TM9SF3: variants seen among roughly 807,000 people sequenced by gnomAD.
The protein encoded by TM9SF3 is transmembrane 9 superfamily member 3.
A neutral mutation model predicts 78.6 loss-of-function variants in TM9SF3; 14 were observed. The ratio of observed to expected loss-of-function variants is 0.18; its 90% CI spans 0.12 to 0.28. TM9SF3 has a LOEUF of 0.28. Among genes scored for constraint, TM9SF3 ranks in the 10% least tolerant of loss-of-function variants. The pLI is 1.00. For synonymous variants in TM9SF3, 231 were observed against 241.7 expected (o/e 0.96, Z 0.41); for missense variants, 496 against 721.9 (o/e 0.69, Z 3.59).
chr10:96,553,207 T>C, intron 5 of TM9SF3, 148 bp from the exon 6 acceptor site: 1 of 758,142 alleles, frequency 1.3e-6, no homozygotes, highest in East Asian at 3.1e-5. Context: ...TCAGACACTT[T>C]GAGGATGAGT....
rs1366801904 is a variant in TM9SF3 at position 96,528,069 on chromosome 10, C to T, written c.1503G>A (p.Val501=). The change falls in exon 12 of 15, where the codon GTG becomes GTA. Residue 501 remains valine, a synonymous_variant. Transcript: ENST00000371142. ...LCIVTVCVTI[V]CTYFLLNAED... is the part of the protein sequence containing the mutation. Reference sequence around the variant, plus strand: ...CTGCATTTAGTAGAAAATATGTGCACACAATAGTCACACAGACAGTCACAA... The same window carrying T: ...CTGCATTTAGTAGAAAATATGTGCATACAATAGTCACACAGACAGTCACAA... The T allele has an allele frequency of 6.2e-7, 1 of 1,612,664 alleles. No homozygotes were observed. The highest frequency in any genetic ancestry group is 2.2e-5 in the East Asian group (1 of 44,834).
chr10:96,565,437 T>C lies in TM9SF3; in HGVS notation c.299-11A>G, dbSNP rs774398549. ...CTGGCATCACATCATCTGCACAAAA[T>C]AAAAATTGCAAATTAGCCCACTAGT... On this transcript the variant is annotated splice_polypyrimidine_tract_variant and intron_variant, in intron 2 of 14. Coordinates refer to ENST00000371142, the MANE Select transcript of TM9SF3 (RefSeq NM_020123.4). 6.6e-6 allele frequency: 10 copies of C among 1,524,426 alleles called. No individual in the cohort carries two copies. Among genetic ancestry groups the C allele is most frequent in the African/African-American group, 1.5e-5 (1 of 68,098 alleles). The allele number at this position is 1,524,426 out of a possible 1,614,324, so 94.4% of individuals were successfully genotyped here.
intron 7 of TM9SF3, among the ~76,000 whole-genome samples, chr10:96,550,288 A>T (rs1005966907): frequency 1.3e-5 from 2 of 152,206 alleles, no homozygotes; most frequent in African/African-American, 4.8e-5. Context: ...GTAAGTTATG[A>T]CCTGATCCTT....
At chr10:96,565,257 G>T in intron 3 of TM9SF3, 47 bp downstream of exon 3, 1 of 1,449,338 alleles carries the variant, frequency 6.9e-7, no homozygotes, top group South Asian at 1.6e-5. Flanking sequence ...TATAAATTCT[G>T]ATTATGCAAA....
At chr10:96,576,558 G>A (rs577541092) in intron 2 of TM9SF3, 76 bp downstream of exon 2, 8 of 1,317,058 alleles carry the variant, frequency 6.1e-6, no homozygotes, top group Non-Finnish European at 8.3e-6. Context: ...TCCAACACCA[G>A]TGTCAATAGT....
chr10:96,560,514 ATTAGTGGACAGCAT>A, intron 4 of TM9SF3: 1 of 723,092 alleles, frequency 1.4e-6, no homozygotes, highest in Non-Finnish European at 2.5e-6. Flanking sequence ...GCCAGTGTAT[ATTAGTGGACAGCAT>A]TTAGTAGCTG....
chr10:96,548,580 G>A (rs1176952174), intron 7 of TM9SF3, among the ~76,000 whole-genome samples: 2 of 151,872 alleles, frequency 1.3e-5, no homozygotes, highest in African/African-American at 2.4e-5. Context: ...GGCAGATCAC[G>A]TGAGGTCAGG....
intron 3 of TM9SF3, 135 bp from the exon 4 acceptor site, chr10:96,562,273 T>C (rs1848319085): frequency 1.5e-6 from 1 of 675,898 alleles, no homozygotes; most frequent in Non-Finnish European, 2.4e-6. Flanking sequence ...CACTCTTGAC[T>C]CTCCCTTCAC....
chr10:96,522,380 T>G, intron 14 of TM9SF3, 50 bp from the exon 15 acceptor site: 1 of 1,426,330 alleles, frequency 7.0e-7, no homozygotes, highest in Non-Finnish European at 9.4e-7. Flanking sequence ...CAGAGCAGTA[T>G]CCATCATTTA....
At chr10:96,524,897 A>T (rs1847820832) in intron 14 of TM9SF3, among the ~76,000 whole-genome samples, 1 of 151,968 alleles carries the variant, frequency 6.6e-6, no homozygotes, top group South Asian at 2.1e-4. Context: ...AAGGCATATA[A>T]ACCCATTAAA....
chr10:96,586,746 C>T lies in TM9SF3; in HGVS notation c.90G>A (p.Glu30=), dbSNP rs938960774. 2.4e-5 allele frequency: 31 copies of T among 1,266,208 alleles called. No individual in the cohort carries two copies. The African/African-American group carries it at 2.5e-4, about 10-fold the overall frequency. The allele number at this position is 1,266,208 out of a possible 1,614,324, so 78.4% of individuals were successfully genotyped here. The part of the protein sequence containing the change: ...LLLLPRTRAD[E]HEHTYQDKEE... The stretch of plus-strand genomic sequence containing the variant: ...CGGGGCGCCTCACCGTGTGTTCGTG[C>T]TCGTCCGCCCGGGTCCGGGGCAGCA... The change falls in exon 1 of 15, where the codon GAG becomes GAA. Residue 30 remains glutamate (E), a synonymous_variant. Transcript: ENST00000371142.
chr10:96,576,712 T>C lies in TM9SF3; in HGVS notation c.220A>G (p.Ser74Gly). The C allele has an allele frequency of 6.2e-7, 1 of 1,612,014 alleles. No individual in the cohort carries two copies. The highest frequency in any genetic ancestry group is 1.3e-5 in the African/African-American group (1 of 74,844). The change falls in exon 2 of 15, where the codon AGT becomes GGT. Residue 74 changes from serine to glycine, a missense_variant. This residue lies in a region of TM9SF3 where 155 missense variants were observed against 241.6 expected (regional missense o/e 0.64). Transcript: ENST00000371142. ...TCTCCCAGAGTTTCATGGTAATGAC[T>C]GATACTTTTTTTTGACCCCACACAG... ...PFCVGSKKSI[S>G]HYHETLGEAL...
chr10:96,577,577 G>C (rs1848512012), intron 1 of TM9SF3: 1 of 152,174 alleles, frequency 6.6e-6, no homozygotes. Context: ...CAAGTTTAAA[G>C]TTCCAATGAT....
intron 8 of TM9SF3, among the ~76,000 whole-genome samples, chr10:96,547,437 T>C (rs1848114877): frequency 6.6e-6 from 1 of 152,138 alleles, no homozygotes; most frequent in Non-Finnish European, 1.5e-5. Context: ...ATTCATAATT[T>C]TAGGAAATAA....
chr10:96,575,429 T>C (rs973916188), intron 2 of TM9SF3, among the ~76,000 whole-genome samples: 1 of 151,360 alleles, frequency 6.6e-6, no homozygotes, highest in African/African-American at 2.4e-5. Context: ...TACAACTTAA[T>C]TTTATAATTA....
chr10:96,547,117 A>T (rs181980855), intron 8 of TM9SF3, among the ~76,000 whole-genome samples: 80 of 152,356 alleles, frequency 5.3e-4, no homozygotes, highest in Non-Finnish European at 9.3e-4. Flanking sequence ...AAGTGCTCTT[A>T]GCAAGAGACT....
intron 2 of TM9SF3, among the ~76,000 whole-genome samples, chr10:96,568,009 A>G (rs1260864990): frequency 6.6e-6 from 1 of 152,268 alleles, no homozygotes; most frequent in East Asian, 1.9e-4. Context: ...GTCTTGAAGA[A>G]TAACTTTAAC....
chr10:96,549,985 A>AAAG (rs1168757522), intron 7 of TM9SF3, among the ~76,000 whole-genome samples: 2 of 152,178 alleles, frequency 1.3e-5, no homozygotes, highest in African/African-American at 4.8e-5. Context: ...TGTTTAATGT[A>AAAG]AAGCACAACT....
chr10:96,568,242 G>GA (rs1848400898), intron 2 of TM9SF3, among the ~76,000 whole-genome samples: 1 of 152,172 alleles, frequency 6.6e-6, no homozygotes, highest in Admixed American at 6.5e-5. Context: ...CAATGTGTAT[G>GA]AATATGCCAA....
Sources: allele counts gnomAD v4.1 joint callset (sites outside exome capture counted in the v4.1 genomes callset), GRCh38; gene constraint gnomAD v4.1.1; regional missense constraint gnomAD v4.1.1; transcripts MANE v1.5; gene names NCBI Gene and HGNC (gene_info 2026-07-23, HGNC 2026-07-21).